Variants in ANK3 observed in about 807,000 individuals in gnomAD.
ANK3 encodes the protein ankyrin 3.
Under a neutral mutation model 370.9 loss-of-function variants are expected in ANK3, and 57 were observed. That is an observed-to-expected ratio of 0.15 (90% CI 0.12 to 0.19). The LOEUF (loss-of-function observed/expected upper bound fraction) is 0.19. Among genes scored for constraint, ANK3 ranks in the 10% least tolerant of loss-of-function variants. The pLI, the probability that ANK3 is intolerant of heterozygous loss-of-function variation, is 1.00. For synonymous variants in ANK3, 1,929 were observed against 1,946.3 expected (o/e 0.99, Z 0.23); for missense variants, 4,439 against 5,302.1 (o/e 0.84, Z 5.06).
At chr10:60,514,448 T>G (rs935025067) in intron 2 of ANK3, among the ~76,000 whole-genome samples, 6 of 152,132 alleles carry the variant, frequency 3.9e-5, no homozygotes, top group African/African-American at 1.4e-4. Context: ...CCTGGTTGAT[T>G]ATTGGCTCCA....
chr10:60,691,293 A>C (rs993513188), intron 1 of ANK3, among the ~76,000 whole-genome samples: 7 of 152,272 alleles, frequency 4.6e-5, no homozygotes, highest in African/African-American at 1.7e-4. Flanking sequence ...CCCGAATCTA[A>C]ATGAAATTTG....
In ANK3 at chr10:60,069,809, T is replaced by G. The variant is rs762018914; in HGVS notation, c.11072A>C (p.Glu3691Ala). ...ACTACTGGATGTGCCTTCCTGACAC[T>G]CTCCGCTGGTCGGGATGCTGGGGTT... The part of the protein sequence containing the change: ...EPNPSIPTSG[E>A]CQEGTSSSGS... Residue 3691 changes from glutamate to alanine, a missense_variant, in exon 37 of 44, where the codon GAG becomes GCG. Coordinates refer to ENST00000280772, the MANE Select transcript of ANK3 (RefSeq NM_020987.5). The G allele has an allele frequency of 4.3e-6, 7 of 1,614,026 alleles. No individual in the cohort carries two copies. The highest frequency in any genetic ancestry group is 1.3e-5 in the African/African-American group (1 of 74,924).
At chr10:60,488,856 T>C (rs1311764286) in intron 2 of ANK3, among the ~76,000 whole-genome samples, 3 of 152,202 alleles carry the variant, frequency 2.0e-5, no homozygotes, top group African/African-American at 7.2e-5. Context: ...AACTGTACCA[T>C]ATGTTACTGG....
chr10:60,187,196 C>A (rs1248373502), intron 16 of ANK3, among the ~76,000 whole-genome samples: 1 of 149,658 alleles, frequency 6.7e-6, no homozygotes, highest in East Asian at 1.9e-4. Context: ...TCACTCTTCG[C>A]CCAGGCTGGA....
chr10:60,178,221 A>G (rs1262491328), intron 18 of ANK3, among the ~76,000 whole-genome samples: 1 of 152,184 alleles, frequency 6.6e-6, no homozygotes, highest in Non-Finnish European at 1.5e-5. Flanking sequence ...ACATGTTCCC[A>G]TGATATTGAA....
At chr10:60,701,403 C>T (rs1054530340) in intron 1 of ANK3, among the ~76,000 whole-genome samples, 8 of 147,628 alleles carry the variant, frequency 5.4e-5, no homozygotes, top group Non-Finnish European at 1.2e-4. Flanking sequence ...CTCAAAGATA[C>T]ACTAGAAAAA....
At chr10:60,464,063 G>C (rs2064954641) in intron 2 of ANK3, among the ~76,000 whole-genome samples, 2 of 152,174 alleles carry the variant, frequency 1.3e-5, no homozygotes, top group Non-Finnish European at 2.9e-5. Flanking sequence ...ATGAAACTTT[G>C]TGCCTTCTAT....
chr10:60,572,420 A>G, intron 2 of ANK3: 1 of 1,521,260 alleles, frequency 6.6e-7, no homozygotes, highest in Non-Finnish European at 8.8e-7. Context: ...TCCTCCCCAG[A>G]GCCAGAGAAC....
At position 60,695,174 on chromosome 10, in the gene ANK3, G is replaced by T. The variant is rs765938440; in HGVS notation, c.57+38089C>A. On this transcript the variant is annotated intron_variant, in intron 1 of 43. Transcript: ENST00000373827. ...GAAGTCCATTACATAATGGTAAAGGGACATTCAATTCAACAAGAAGAGCTA... is the reference window on the plus strand; with the variant it reads ...GAAGTCCATTACATAATGGTAAAGGTACATTCAATTCAACAAGAAGAGCTA... Among the ~76,000 whole-genome samples the T allele has an allele frequency of 3.3e-5, 5 of 152,162 alleles. No individual in the cohort carries two copies. In the East Asian group the frequency reaches 5.8e-4, roughly 18 times the overall value.
intron 28 of ANK3, among the ~76,000 whole-genome samples, chr10:60,105,385 G>C (rs1365504422): frequency 6.6e-6 from 1 of 152,028 alleles, no homozygotes; most frequent in African/African-American, 2.4e-5. Flanking sequence ...CTAGGTCAAA[G>C]AATGAGACAT....
intron 1 of ANK3, among the ~76,000 whole-genome samples, chr10:60,280,211 C>T (rs117357578): frequency 0.095 from 14,522 of 152,162 alleles, 843 homozygotes; most frequent in South Asian, 0.17. Flanking sequence ...TATGGACATG[C>T]GCCGCCATGC....
intron 16 of ANK3, among the ~76,000 whole-genome samples, chr10:60,189,942 G>A (rs1375565839): frequency 2.0e-5 from 3 of 152,080 alleles, no homozygotes; most frequent in African/African-American, 7.2e-5. Flanking sequence ...TTTTATGGAA[G>A]AGAAACCTGA....
intron 2 of ANK3, among the ~76,000 whole-genome samples, chr10:60,413,665 A>G (rs2132935355): frequency 6.6e-6 from 1 of 152,330 alleles, no homozygotes; most frequent in Non-Finnish European, 1.5e-5. Flanking sequence ...GAAATGTTCT[A>G]TTCAGAATCA....
At chr10:60,102,930 G>A (rs897065787) in intron 28 of ANK3, among the ~76,000 whole-genome samples, 8 of 152,010 alleles carry the variant, frequency 5.3e-5, no homozygotes, top group African/African-American at 1.2e-4. Context: ...AAATTAATAC[G>A]TTATATTAAA....
intron 1 of ANK3, among the ~76,000 whole-genome samples, chr10:60,324,672 T>A (rs1188006209): frequency 6.6e-6 from 1 of 152,148 alleles, no homozygotes; most frequent in Non-Finnish European, 1.5e-5. Flanking sequence ...TTTTTTCTTT[T>A]TTTGGAGCGC....
chr10:60,165,187 T>C (rs1195997790), intron 23 of ANK3, among the ~76,000 whole-genome samples: 1 of 152,216 alleles, frequency 6.6e-6, no homozygotes, highest in Non-Finnish European at 1.5e-5. Flanking sequence ...ATAATTTCAT[T>C]TGACAAACAT....
In ANK3 at chr10:60,205,828, A is replaced by C; in HGVS notation, c.1257T>G (p.Leu419=). ...KKNRIKVMEL[L]LKHGASIQAV... The stretch of plus-strand genomic sequence containing the variant: ...CTTGGATGGATGCACCGTGTTTCAG[A>C]AGGAGTTCCATTACTTTAATTCGAT... The change falls in exon 11 of 44, where the codon CTT becomes CTG. Residue 419 remains leucine (L), a synonymous_variant. Transcript: ENST00000280772. The C allele has an allele frequency of 6.2e-7, 1 of 1,614,054 alleles. No individual in the cohort carries two copies. The highest frequency in any genetic ancestry group is 8.5e-7 in the Non-Finnish European group (1 of 1,179,908).
At chr10:60,358,107 CACACACACACACAA>C (rs61228802) in intron 1 of ANK3, among the ~76,000 whole-genome samples, 32,681 of 89,330 alleles carry the variant, frequency 0.37, 4,210 homozygotes, top group East Asian at 0.55. Context: ...TATACACACA[CACACACACACACAA>C]ACACACACAC....
At chr10:60,425,377 G>A (rs892859073) in intron 2 of ANK3, among the ~76,000 whole-genome samples, 16 of 152,100 alleles carry the variant, frequency 1.1e-4, no homozygotes, top group Non-Finnish European at 1.8e-4. Flanking sequence ...TAAGTATTCG[G>A]AAGAAATATT....
Sources: gnomAD v4.1 joint callset for allele counts (sites outside exome capture counted in the v4.1 genomes callset) on GRCh38, gnomAD v4.1.1 for gene constraint, MANE v1.5 for transcripts, NCBI Gene and HGNC (gene_info 2026-07-23, HGNC 2026-07-21) for gene names.